Variants in PCDHGA3 observed in about 807,000 individuals in gnomAD.
PCDHGA3 encodes protocadherin gamma-A3.
In PCDHGA3, 40 loss-of-function variants were observed where a neutral mutation model predicts 58.5. The observed-to-expected ratio is 0.68, with a 90% CI of 0.53 to 0.89. The LOEUF (loss-of-function observed/expected upper bound fraction) is 0.89, where lower values mean the gene tolerates loss of function less well. Ranked by LOEUF, PCDHGA3 falls within the 40% of genes least tolerant of loss-of-function variation. The pLI is 0.00. For missense variants in PCDHGA3, 1,223 were observed against 1,195.9 expected (o/e 1.02, Z -0.33); for synonymous variants, 530 against 525.7 (o/e 1.01, Z -0.11).
Position 141,392,778 on chromosome 5 carries a change from G to A in PCDHGA3, c.2424+46321G>A, listed in dbSNP as rs375878103. ...ACTAAATAAGACCCATTTATGCACA[G>A]TGAAGATTCTGAGAGGATTCTGCAG... On this transcript the variant is annotated intron_variant, in intron 1 of 3. Coordinates refer to ENST00000253812, the MANE Select transcript of PCDHGA3 (RefSeq NM_018916.4). 5 of 1,533,872 alleles carry A rather than the reference G, an allele frequency of 3.3e-6. No homozygotes were observed. The African/African-American group carries it at 6.9e-5, about 21-fold the overall frequency.
chr5:141,386,113 A>G (rs187458187), intron 1 of PCDHGA3: 12 of 152,338 alleles, frequency 7.9e-5, no homozygotes, highest in Admixed American at 2.0e-4. Context: ...TGGGCTATCA[A>G]AGTGGGAGAT....
intron 1 of PCDHGA3, chr5:141,427,083 C>T: frequency 2.2e-6 from 1 of 458,128 alleles, no homozygotes; most frequent in South Asian, 1.5e-5. Flanking sequence ...AGCCACTGAC[C>T]AGGATGAGGG....
Position 141,421,312 on chromosome 5 carries a change from G to A in PCDHGA3, c.2425-73495G>A, listed in dbSNP as rs375071225. ...CCTGGGGACGCTGCGGGGGTTCCGGGCCAGGCAGATCCGATATTCGGTGCC... is the reference window on the plus strand; with the variant it reads ...CCTGGGGACGCTGCGGGGGTTCCGGACCAGGCAGATCCGATATTCGGTGCC... On this transcript the variant is annotated intron_variant, in intron 1 of 3. Coordinates refer to ENST00000253812, the MANE Select transcript of PCDHGA3 (RefSeq NM_018916.4). The A allele has an allele frequency of 1.9e-5, 31 of 1,613,630 alleles. No homozygotes were observed. The highest frequency in any genetic ancestry group is 1.4e-5 in the Non-Finnish European group (17 of 1,179,886).
At chr5:141,415,696 G>C (rs867312295) in intron 1 of PCDHGA3, 12 of 1,397,434 alleles carry the variant, frequency 8.6e-6, no homozygotes, top group Non-Finnish European at 1.1e-5. Flanking sequence ...GGTGGAAAGT[G>C]TAAATGCTAA....
At chr5:141,354,183 T>A (rs910434352) in intron 1 of PCDHGA3, among the ~76,000 whole-genome samples, 12 of 152,266 alleles carry the variant, frequency 7.9e-5, no homozygotes, top group African/African-American at 2.2e-4. Context: ...TTATCTGCAC[T>A]TTATAGTTAT....
rs562011010 is a variant in PCDHGA3, at chr5:141,427,600, G to A, written c.2425-67207G>A. On this transcript the variant is annotated intron_variant, in intron 1 of 3. Coordinates refer to ENST00000253812, the MANE Select transcript of PCDHGA3 (RefSeq NM_018916.4). ...TCATCCAGCACAAGCCTCACCCTAC[G>A]CATTGGTGAAGTCAACGACAATGCT... The A allele has an allele frequency of 6.7e-5, 46 of 683,296 alleles. 1 individual carries two copies. The East Asian group carries it at 1.2e-3, about 18-fold the overall frequency. 42.3% of individuals were successfully genotyped at this position (683,296 alleles called of 1,614,324 possible). A position where few individuals can be genotyped will look rare whatever the true frequency, so the allele number is the denominator to read the frequency against.
chr5:141,435,444 A>G (rs1471113812), intron 1 of PCDHGA3, among the ~76,000 whole-genome samples: 1 of 152,216 alleles, frequency 6.6e-6, no homozygotes, highest in East Asian at 1.9e-4. Flanking sequence ...TTTCATTAAT[A>G]CGATATCTGT....
At chr5:141,363,400 G>C (rs1762910571) in intron 1 of PCDHGA3, among the ~76,000 whole-genome samples, 1 of 151,934 alleles carries the variant, frequency 6.6e-6, no homozygotes, top group Admixed American at 6.6e-5. Context: ...GTCATATAAA[G>C]ATGATAGCAG....
chr5:141,437,377 A>G (rs1021305426), intron 1 of PCDHGA3, among the ~76,000 whole-genome samples: 3 of 152,246 alleles, frequency 2.0e-5, no homozygotes, highest in Non-Finnish European at 2.9e-5. Flanking sequence ...AATCAGTCAG[A>G]AGACATTCAT....
chr5:141,486,019 T>C lies in PCDHGA3; in HGVS notation c.2425-8788T>C, dbSNP rs2078071. 3.2e-3 allele frequency: 5,143 copies of C among 1,613,986 alleles called. 141 individuals carry two copies. In the South Asian group the frequency reaches 0.046, roughly 14 times the overall value. ...GTGGTAACGTCACCTTTTATTTCAG[T>C]GGTCATACCCCTGATCGTGTAAGAA... On this transcript the variant is annotated intron_variant, in intron 1 of 3. Transcript: ENST00000253812. The surrounding 1 kb of genome is among the most constrained non-coding windows in gnomAD (Gnocchi z 5.0).
At chr5:141,430,829 T>A (rs763916884) in intron 1 of PCDHGA3, 1 of 1,554,558 alleles carries the variant, frequency 6.4e-7, no homozygotes, top group Non-Finnish European at 8.7e-7. Context: ...GGGGACTCTG[T>A]GGGAGACCGG....
In PCDHGA3 at chr5:141,344,920, CAGTG is replaced by C; in HGVS notation, c.892_895del (p.Ser298GlufsTer6). 1 of 1,613,888 alleles carries C rather than the reference CAGTG, an allele frequency of 6.2e-7. No homozygotes were observed. Among genetic ancestry groups the C allele is most frequent in the Non-Finnish European group, 8.5e-7 (1 of 1,179,836 alleles). On this transcript the variant is annotated frameshift_variant, in exon 1 of 4. Transcript: ENST00000253812. LOFTEE classifies it high-confidence loss of function. Reference sequence around the variant, plus strand: ...ATCGCTGAGATTTTCCATCTTAACTCAGTGAGTGGAGAAGTATCAATATTAAAAA... The same window carrying C: ...ATCGCTGAGATTTTCCATCTTAACTCAGTGGAGAAGTATCAATATTAAAAA...
chr5:141,423,009 G>T (rs371209178), intron 1 of PCDHGA3: 3 of 1,614,222 alleles, frequency 1.9e-6, no homozygotes, highest in Non-Finnish European at 2.5e-6. Context: ...AGGTGGTTGC[G>T]GTGGACAAAG....
chr5:141,458,464 G>A (rs1035826436), intron 1 of PCDHGA3, among the ~76,000 whole-genome samples: 30 of 152,030 alleles, frequency 2.0e-4, no homozygotes, highest in Admixed American at 9.8e-4. Flanking sequence ...TTAAAATACC[G>A]TACAACTGCA....
intron 1 of PCDHGA3, chr5:141,396,749 A>G (rs944470602): frequency 1.3e-5 from 2 of 152,368 alleles, no homozygotes; most frequent in African/African-American, 4.8e-5. Flanking sequence ...GTAGAAGTAG[A>G]TGACCCAATA....
intron 1 of PCDHGA3, chr5:141,365,891 G>A (rs1764189637): frequency 1.2e-6 from 2 of 1,614,018 alleles, no homozygotes; most frequent in Non-Finnish European, 1.7e-6. Flanking sequence ...GAGATCCTTC[G>A]ACTATGAGCA....
chr5:141,397,199 T>A (rs1317536621), intron 1 of PCDHGA3, among the ~76,000 whole-genome samples: 1 of 152,156 alleles, frequency 6.6e-6, no homozygotes, highest in Non-Finnish European at 1.5e-5. Context: ...GTAAAAGATA[T>A]GACATAAGAG....
chr5:141,354,774 G>A lies in PCDHGA3; in HGVS notation c.2424+8317G>A, dbSNP rs1017891244. On this transcript the variant is annotated intron_variant, in intron 1 of 3. Coordinates refer to ENST00000253812, the MANE Select transcript of PCDHGA3 (RefSeq NM_018916.4). The stretch of plus-strand genomic sequence containing the variant: ...AAGAACACATCTTAGGAAAAAAATC[G>A]TCATATTTTCTCTAAGAAAATAAAT... Among the ~76,000 whole-genome samples the A allele has an allele frequency of 2.0e-5, 3 of 152,108 alleles. No individual in the cohort carries two copies. In the South Asian group the frequency reaches 6.2e-4, roughly 31 times the overall value.
chr5:141,506,294 C>T (rs1165174121), intron 3 of PCDHGA3, among the ~76,000 whole-genome samples: 1 of 151,888 alleles, frequency 6.6e-6, no homozygotes, highest in African/African-American at 2.4e-5. Context: ...ACTAAAAATA[C>T]AAAAATTAGC....
Sources: allele counts gnomAD v4.1 joint callset (sites outside exome capture counted in the v4.1 genomes callset), GRCh38; gene constraint gnomAD v4.1.1; non-coding constraint Gnocchi (gnomAD v3.1); transcripts MANE v1.5; gene names NCBI Gene and HGNC (gene_info 2026-07-23, HGNC 2026-07-21).